ADAMTSL1: variants seen among roughly 807,000 people sequenced by gnomAD.
ADAMTSL1 encodes the protein ADAMTS-like protein 1.
A neutral mutation model predicts 201.8 loss-of-function variants in ADAMTSL1; 126 were observed. The observed-to-expected ratio is 0.62, with a 90% CI of 0.54 to 0.72. The LOEUF (loss-of-function observed/expected upper bound fraction) is 0.72, where lower values mean the gene tolerates loss of function less well. Ranked by LOEUF, ADAMTSL1 falls within the 30% of genes least tolerant of loss-of-function variation. The pLI is 0.00. For synonymous variants in ADAMTSL1, 1,121 were observed against 903.4 expected, an observed-to-expected ratio of 1.24 and a Z score of -4.32; for missense variants, 2,679 against 2,277.8, an observed-to-expected ratio of 1.18 and a Z score of -3.59.
intron 1 of ADAMTSL1, among the ~76,000 whole-genome samples, chr9:18,117,116 C>G (rs1302453451): frequency 1.3e-5 from 2 of 152,230 alleles, no homozygotes; most frequent in African/African-American, 4.8e-5. Context: ...CTACTTGATG[C>G]CACCACCTAT....
chr9:18,872,088 C>T (rs1827900980), intron 23 of ADAMTSL1, among the ~76,000 whole-genome samples: 1 of 152,178 alleles, frequency 6.6e-6, no homozygotes, highest in Non-Finnish European at 1.5e-5. Flanking sequence ...GCTTACACTG[C>T]TTCTTCCAGA....
At chr9:18,526,326 G>T (rs1237193694) in intron 2 of ADAMTSL1, among the ~76,000 whole-genome samples, 1 of 152,182 alleles carries the variant, frequency 6.6e-6, no homozygotes, top group African/African-American at 2.4e-5. Flanking sequence ...TTGAGCCTAT[G>T]TGTGTCTCTG....
chr9:18,488,558 G>C (rs1208039695), intron 1 of ADAMTSL1, among the ~76,000 whole-genome samples: 1 of 152,150 alleles, frequency 6.6e-6, no homozygotes, highest in African/African-American at 2.4e-5. Flanking sequence ...TAACCTTTCT[G>C]TCATTTTCTG....
intron 2 of ADAMTSL1, among the ~76,000 whole-genome samples, chr9:18,527,557 A>G (rs1456334484): frequency 2.0e-5 from 3 of 152,148 alleles, no homozygotes; most frequent in Non-Finnish European, 1.5e-5. Flanking sequence ...CTAGAGAAAA[A>G]TCTTTTAATT....
At chr9:18,077,340 C>T (rs1052896358) in intron 1 of ADAMTSL1, among the ~76,000 whole-genome samples, 12 of 152,100 alleles carry the variant, frequency 7.9e-5, no homozygotes, top group African/African-American at 2.4e-4. Context: ...GAGGCAAGCC[C>T]TGGACTCCTC....
intron 7 of ADAMTSL1, 104 bp downstream of exon 7, chr9:18,639,515 A>G: frequency 7.3e-7 from 1 of 1,366,790 alleles, no homozygotes. Flanking sequence ...ATGTTTGGAA[A>G]GCCCGTTTGT....
At chr9:18,760,687 C>T (rs932183009) in intron 16 of ADAMTSL1, among the ~76,000 whole-genome samples, 2 of 152,130 alleles carry the variant, frequency 1.3e-5, no homozygotes, top group Admixed American at 6.5e-5. Flanking sequence ...ACCATGTGCT[C>T]CTAATCTAAT....
At chr9:18,093,314 C>G (rs1296649114) in intron 1 of ADAMTSL1, among the ~76,000 whole-genome samples, 1 of 152,044 alleles carries the variant, frequency 6.6e-6, no homozygotes, top group Non-Finnish European at 1.5e-5. Context: ...CCTTTGTTAT[C>G]TCATTCAGTT....
chr9:18,306,918 G>T (rs910747589), intron 2 of ADAMTSL1, among the ~76,000 whole-genome samples: 1 of 152,068 alleles, frequency 6.6e-6, no homozygotes, highest in African/African-American at 2.4e-5. Flanking sequence ...TGAAATGAAG[G>T]AAAAAATGTT....
intron 2 of ADAMTSL1, among the ~76,000 whole-genome samples, chr9:18,207,762 T>G (rs1012426171): frequency 2.6e-5 from 4 of 152,082 alleles, no homozygotes; most frequent in African/African-American, 9.7e-5. Context: ...TTTATGTATT[T>G]GTATAAGCGG....
Position 18,753,323 on chromosome 9 carries a change from T to G in ADAMTSL1, c.2032T>G (p.Cys678Gly). Residue 678 changes from cysteine (C) to glycine (G), a missense_variant, in exon 16 of 29, where the codon TGT becomes GGT. By Grantham distance (159) the Cys-to-Gly change is radical. Coordinates refer to ENST00000380548, the MANE Select transcript of ADAMTSL1 (RefSeq NM_001040272.6). ...ARWEIGKWSP[C>G]SLTCGVGLQT... ...GTGGGAAATTGGCAAGTGGAGTCCA[T>G]GTAGTCTCACATGTGGGGTCGGCCT... The G allele has an allele frequency of 6.2e-7, 1 of 1,612,222 alleles. No homozygotes were observed. The highest frequency in any genetic ancestry group is 8.5e-7 in the Non-Finnish European group (1 of 1,179,266).
chr9:17,956,817 A>G (rs895360468), intron 1 of ADAMTSL1, among the ~76,000 whole-genome samples: 2 of 152,160 alleles, frequency 1.3e-5, no homozygotes, highest in Non-Finnish European at 2.9e-5. Flanking sequence ...TTGTCTCTGG[A>G]GATGAGCTCA....
At chr9:18,152,395 A>T (rs959389455) in intron 1 of ADAMTSL1, among the ~76,000 whole-genome samples, 1 of 152,086 alleles carries the variant, frequency 6.6e-6, no homozygotes, top group Non-Finnish European at 1.5e-5. Flanking sequence ...AACACGCCAC[A>T]TAAGAGCCAT....
intron 1 of ADAMTSL1, among the ~76,000 whole-genome samples, chr9:18,108,504 A>G (rs761682547): frequency 1.3e-5 from 2 of 152,104 alleles, no homozygotes; most frequent in Non-Finnish European, 2.9e-5. Context: ...CCAGCCGAGA[A>G]TCATGATCTT....
At chr9:18,123,544 C>G (rs1256349310) in intron 1 of ADAMTSL1, among the ~76,000 whole-genome samples, 7 of 152,152 alleles carry the variant, frequency 4.6e-5, no homozygotes, top group Non-Finnish European at 8.8e-5. Context: ...TATTTATACT[C>G]ACATACATAG....
At chr9:18,264,194 T>C (rs1462771570) in intron 2 of ADAMTSL1, among the ~76,000 whole-genome samples, 1 of 152,162 alleles carries the variant, frequency 6.6e-6, no homozygotes, top group Non-Finnish European at 1.5e-5. Context: ...TTATTTATTA[T>C]TATTAAAGTC....
intron 2 of ADAMTSL1, among the ~76,000 whole-genome samples, chr9:18,464,031 C>T (rs914920783): frequency 4.6e-5 from 7 of 152,222 alleles, no homozygotes; most frequent in Admixed American, 1.3e-4. Context: ...GAACAGGATG[C>T]ACTGCCTTCC....
chr9:18,238,452 A>G (rs1158620588), intron 2 of ADAMTSL1, among the ~76,000 whole-genome samples: 3 of 151,908 alleles, frequency 2.0e-5, no homozygotes, highest in African/African-American at 7.3e-5. Flanking sequence ...GCAGGGTGAG[A>G]GGTTGGGGGT....
chr9:18,222,446 C>T (rs1395245099), intron 2 of ADAMTSL1, among the ~76,000 whole-genome samples: 1 of 151,782 alleles, frequency 6.6e-6, no homozygotes, highest in Non-Finnish European at 1.5e-5. Flanking sequence ...AAATTAACAT[C>T]ATCTAAGGTT....
Sources: allele counts gnomAD v4.1 joint callset (sites outside exome capture counted in the v4.1 genomes callset), GRCh38; gene constraint gnomAD v4.1.1; transcripts MANE v1.5; gene names NCBI Gene and HGNC (gene_info 2026-07-23, HGNC 2026-07-21).